Variants in CDCA7L observed in about 807,000 individuals in gnomAD.
The protein encoded by CDCA7L is cell division cycle-associated 7-like protein.
In CDCA7L, 44 loss-of-function variants were observed where a neutral mutation model predicts 57.4. The ratio of observed to expected loss-of-function variants is 0.77; its 90% CI spans 0.60 to 0.98. CDCA7L has a LOEUF of 0.98. CDCA7L is among the 50% of genes least tolerant of loss of function. The probability of loss-of-function intolerance (pLI) is 0.00; values close to 1 mark genes in which losing one functional copy is unlikely to be tolerated. For missense variants in CDCA7L, 644 were observed against 580.6 expected, an observed-to-expected ratio of 1.11 and a Z score of -1.12; for synonymous variants, 236 against 202.8, an observed-to-expected ratio of 1.16 and a Z score of -1.39.
At chr7:21,907,083 A>C (rs1785165153) in intron 4 of CDCA7L, among the ~76,000 whole-genome samples, 1 of 152,220 alleles carries the variant, frequency 6.6e-6, no homozygotes, top group Non-Finnish European at 1.5e-5. Flanking sequence ...TGATTCTTTA[A>C]ATAGATTAAT....
chr7:21,925,031 T>G (rs953685862), intron 1 of CDCA7L, among the ~76,000 whole-genome samples: 1 of 152,098 alleles, frequency 6.6e-6, no homozygotes, highest in African/African-American at 2.4e-5. Context: ...AATGGAAAAG[T>G]AGATCACTGA....
In CDCA7L at chr7:21,945,843, C is replaced by A. The variant is rs781642226; in HGVS notation, c.-39G>T. ...GCTCCAGTCTCCTCCCAGCACGCGG[C>A]CACGGGAGCCCGGACTCACCACGGC... On this transcript the variant is annotated 5_prime_UTR_variant, in exon 1 of 10. Coordinates refer to ENST00000406877, the MANE Select transcript of CDCA7L (RefSeq NM_018719.5). 5.0e-6 allele frequency: 8 copies of A among 1,588,466 alleles called. No homozygotes were observed. In the East Asian group the frequency reaches 1.2e-4, roughly 24 times the overall value.
intron 4 of CDCA7L, 47 bp from the exon 5 acceptor site, chr7:21,906,686 G>C: frequency 1.9e-6 from 3 of 1,584,572 alleles, no homozygotes; most frequent in Non-Finnish European, 2.6e-6. Flanking sequence ...TAGGGCTCCA[G>C]GTTTAGGTCA....
chr7:21,911,287 A>G (rs930615535), intron 3 of CDCA7L, among the ~76,000 whole-genome samples: 6 of 151,994 alleles, frequency 3.9e-5, no homozygotes, highest in African/African-American at 1.5e-4. Flanking sequence ...TCGGCCTCCC[A>G]AAGTGCTGGG....
At chr7:21,905,678 TA>T in intron 6 of CDCA7L, 47 bp from the exon 7 acceptor site, 1 of 1,570,800 alleles carries the variant, frequency 6.4e-7, no homozygotes, top group Non-Finnish European at 8.6e-7. Flanking sequence ...TGAGCAGTTA[TA>T]AAAAAATTAT....
intron 1 of CDCA7L, among the ~76,000 whole-genome samples, chr7:21,945,513 C>T (rs1423026936): frequency 2.0e-5 from 3 of 151,700 alleles, no homozygotes; most frequent in African/African-American, 7.3e-5. Flanking sequence ...CCTGCACCCC[C>T]GGCGGCCACC....
chr7:21,935,522 CA>C (rs1342875727), intron 1 of CDCA7L, among the ~76,000 whole-genome samples: 3 of 147,962 alleles, frequency 2.0e-5, no homozygotes, highest in African/African-American at 7.5e-5. Flanking sequence ...AGGAAGGAAA[CA>C]AAGATTAAAA....
At chr7:21,914,624 C>A in intron 2 of CDCA7L, among the ~76,000 whole-genome samples, 1 of 152,122 alleles carries the variant, frequency 6.6e-6, no homozygotes, top group East Asian at 1.9e-4. Flanking sequence ...CTGTGCCCTG[C>A]AGCATAGCAG....
intron 3 of CDCA7L, among the ~76,000 whole-genome samples, chr7:21,909,137 A>G (rs1231317883): frequency 6.6e-6 from 1 of 152,202 alleles, no homozygotes; most frequent in Non-Finnish European, 1.5e-5. Context: ...TCAACTCAAG[A>G]AATCCTCACC....
intron 1 of CDCA7L, among the ~76,000 whole-genome samples, chr7:21,919,882 C>A (rs772152604): frequency 1.2e-4 from 18 of 152,202 alleles, no homozygotes; most frequent in Non-Finnish European, 2.2e-4. Context: ...TACACAGGAT[C>A]TTTTCCTTCA....
chr7:21,931,288 T>C (rs1786005593), intron 1 of CDCA7L, among the ~76,000 whole-genome samples: 1 of 152,148 alleles, frequency 6.6e-6, no homozygotes, highest in Non-Finnish European at 1.5e-5. Flanking sequence ...GAGACCAGCA[T>C]CATCCTGATA....
intron 1 of CDCA7L, among the ~76,000 whole-genome samples, chr7:21,918,147 G>A (rs1328298613): frequency 2.0e-5 from 3 of 152,004 alleles, no homozygotes; most frequent in Non-Finnish European, 1.5e-5. Flanking sequence ...TTGCATAAGG[G>A]GGCACAAAAT....
At chr7:21,916,514 T>TAA (rs71557529) in intron 2 of CDCA7L, among the ~76,000 whole-genome samples, 23 of 105,106 alleles carry the variant, frequency 2.2e-4, no homozygotes, top group African/African-American at 6.6e-4. Flanking sequence ...TCCCTTTATT[T>TAA]AAAAAAAAAA....
chr7:21,917,651 C>T (rs554240258), intron 1 of CDCA7L, among the ~76,000 whole-genome samples: 123 of 151,150 alleles, frequency 8.1e-4, no homozygotes, highest in Middle Eastern at 3.4e-3. Flanking sequence ...CATTTGCTTT[C>T]TTTCTCTGTT....
At position 21,900,966 on chromosome 7, in the gene CDCA7L, C is replaced by A; in HGVS notation, c.*1356G>T. On this transcript the variant is annotated 3_prime_UTR_variant, in exon 10 of 10. Coordinates refer to ENST00000406877, the MANE Select transcript of CDCA7L (RefSeq NM_018719.5). ...CTTACTTGATCATTATCATTAGTAG[C>A]AAGCTGCCACACAATTGCAACCGCT... is the stretch of plus-strand genomic sequence containing the variant. The A allele has an allele frequency of 6.6e-7, 1 of 1,523,448 alleles. No individual in the cohort carries two copies. Among genetic ancestry groups the A allele is most frequent in the Non-Finnish European group, 8.8e-7 (1 of 1,137,120 alleles). 94.4% of individuals were successfully genotyped at this position (1,523,448 alleles called of 1,614,324 possible). A position where few individuals can be genotyped will look rare whatever the true frequency, so the allele number is the denominator to read the frequency against.
chr7:21,910,103 G>T (rs149354096), intron 3 of CDCA7L, among the ~76,000 whole-genome samples: 270 of 152,318 alleles, frequency 1.8e-3, no homozygotes, highest in Middle Eastern at 3.4e-3. Flanking sequence ...AGACTTGGGG[G>T]CAGGTGGGAG....
At chr7:21,919,586 A>T (rs1052216723) in intron 1 of CDCA7L, among the ~76,000 whole-genome samples, 1 of 152,094 alleles carries the variant, frequency 6.6e-6, no homozygotes, top group African/African-American at 2.4e-5. Flanking sequence ...AGGATATTTT[A>T]AATAGGTAAA....
intron 1 of CDCA7L, among the ~76,000 whole-genome samples, chr7:21,942,023 TAG>T (rs901892424): frequency 4.7e-4 from 72 of 152,140 alleles, no homozygotes; most frequent in African/African-American, 1.5e-3. Context: ...GGCCTTCTGG[TAG>T]AGAGTGTGGG....
Position 21,900,955 on chromosome 7 carries a change from A to ATCAT in CDCA7L, c.*1363_*1366dup. On this transcript the variant is annotated 3_prime_UTR_variant, in exon 10 of 10. Coordinates refer to ENST00000406877, the MANE Select transcript of CDCA7L (RefSeq NM_018719.5). The stretch of plus-strand genomic sequence containing the variant: ...GCATCAAACAACTTACTTGATCATT[A>ATCAT]TCATTAGTAGCAAGCTGCCACACAA... 2.0e-6 allele frequency: 3 copies of ATCAT among 1,511,010 alleles called. No individual in the cohort carries two copies. In the South Asian group the frequency reaches 4.2e-5, roughly 21 times the overall value. 93.6% of individuals were successfully genotyped at this position (1,511,010 alleles called of 1,614,324 possible). A position where few individuals can be genotyped will look rare whatever the true frequency, so the allele number is the denominator to read the frequency against.
Sources: gnomAD v4.1 joint callset for allele counts (sites outside exome capture counted in the v4.1 genomes callset) on GRCh38, gnomAD v4.1.1 for gene constraint, MANE v1.5 for transcripts, NCBI Gene and HGNC (gene_info 2026-07-23, HGNC 2026-07-21) for gene names.